Variants in FUBP3 observed in about 807,000 individuals in gnomAD.
FUBP3 encodes the protein far upstream element binding protein 3.
In FUBP3, 28 loss-of-function variants were observed where a neutral mutation model predicts 85.6. The observed-to-expected ratio is 0.33, with a 90% CI of 0.24 to 0.45. FUBP3 has a LOEUF of 0.45. FUBP3 is among the 20% of genes least tolerant of loss of function. The probability of loss-of-function intolerance (pLI) is 1.00; values close to 1 mark genes in which losing one functional copy is unlikely to be tolerated. For synonymous variants in FUBP3, 271 were observed against 271.4 expected (o/e 1.00, Z 0.01); for missense variants, 583 against 755.1 (o/e 0.77, Z 2.67).
intron 18 of FUBP3, 47 bp downstream of exon 18, chr9:130,636,173 C>A (rs771680314): frequency 1.3e-5 from 20 of 1,592,114 alleles, no homozygotes; most frequent in Non-Finnish European, 1.6e-5. Context: ...AGCCCCGAGC[C>A]CCTGCTCCCA....
chr9:130,598,980 T>C (rs950952240), intron 2 of FUBP3, among the ~76,000 whole-genome samples: 12 of 151,258 alleles, frequency 7.9e-5, no homozygotes, highest in Non-Finnish European at 1.2e-4. Context: ...CTGGGCAACA[T>C]AGCAAAACCG....
Position 130,622,773 on chromosome 9 carries a change from C to T in FUBP3, c.837C>T (p.Ile279=). 1 of 1,595,976 alleles carries T rather than the reference C, an allele frequency of 6.3e-7. No homozygotes were observed. The highest frequency in any genetic ancestry group is 8.6e-7 in the Non-Finnish European group (1 of 1,166,230). The change falls in exon 10 of 19, where the codon ATC becomes ATT. Residue 279 remains isoleucine, a synonymous_variant. Transcript: ENST00000319725. ...IGRNGEMIKK[I]QNDAGVRIQF... is the part of the protein sequence containing the mutation. ...GAAACGGGGAAATGATCAAAAAGAT[C>T]CAGAATGATGCTGGTGTGAGGATTC...
chr9:130,636,107 A>G lies in FUBP3; in HGVS notation c.1691A>G (p.Gln564Arg), dbSNP rs760019163. The G allele has an allele frequency of 1.9e-6, 3 of 1,613,456 alleles. No homozygotes were observed. Among genetic ancestry groups the G allele is most frequent in the Non-Finnish European group, 2.5e-6 (3 of 1,179,856 alleles). Residue 564 changes from glutamine to arginine, a missense_variant, in exon 18 of 19, where the codon CAG becomes CGG. Gln to Arg is a conservative substitution (Grantham distance 43). Around this residue, in one of 3 missense-constraint regions of FUBP3, gnomAD observed 404 missense variants for 516.8 expected, o/e 0.78. Transcript: ENST00000319725. ...GCTTTCTACGGACAGACGTTAGGGC[A>G]GGCGCAGGCCCACAGCCAGGTCTGT... ...QVAFYGQTLG[Q>R]AQAHSQEQ
chr9:130,622,753 G>A lies in FUBP3; in HGVS notation c.817G>A (p.Gly273Arg), dbSNP rs1317228167. Residue 273 changes from glycine (G) to arginine (R), a missense_variant, in exon 10 of 19, where the codon GGG becomes AGG. By Grantham distance (125) the Gly-to-Arg change is moderately radical. This residue lies in a region of FUBP3 where 404 missense variants were observed against 516.8 expected (regional missense o/e 0.78). Transcript: ENST00000319725. ...TGTGGGGATTGTAATAGGAAGAAAC[G>A]GGGAAATGATCAAAAAGATCCAGAA... is the stretch of plus-strand genomic sequence containing the variant. ...FAVGIVIGRN[G>R]EMIKKIQNDA... The A allele has an allele frequency of 1.2e-6, 2 of 1,602,596 alleles. No individual in the cohort carries two copies. Among genetic ancestry groups the A allele is most frequent in the Non-Finnish European group, 1.7e-6 (2 of 1,171,734 alleles).
chr9:130,620,774 G>A (rs1400483628), intron 9 of FUBP3, among the ~76,000 whole-genome samples: 1 of 152,206 alleles, frequency 6.6e-6, no homozygotes, highest in Non-Finnish European at 1.5e-5. Context: ...GTCAAACTCA[G>A]CAGCCTGTGT....
intron 11 of FUBP3, among the ~76,000 whole-genome samples, chr9:130,625,693 TGAACAGTGGGA>T (rs1325453973): frequency 6.6e-6 from 1 of 152,214 alleles, no homozygotes; most frequent in African/African-American, 2.4e-5. Context: ...CTCTGCTGGG[TGAACAGTGGGA>T]GAATGCCTCA....
At chr9:130,583,905 T>C (rs891553626) in intron 1 of FUBP3, among the ~76,000 whole-genome samples, 1 of 152,112 alleles carries the variant, frequency 6.6e-6, no homozygotes, top group African/African-American at 2.4e-5. Flanking sequence ...TCATATAATA[T>C]AATTATTTTG....
chr9:130,628,529 C>T (rs1001088422), intron 12 of FUBP3, among the ~76,000 whole-genome samples: 8 of 152,170 alleles, frequency 5.3e-5, no homozygotes, highest in South Asian at 2.1e-4. Flanking sequence ...TCTGGCCCCA[C>T]GAGGTTTTGT....
At chr9:130,594,869 C>CTTTTTTTTTTTTTTTTT (rs10710760) in intron 1 of FUBP3, among the ~76,000 whole-genome samples, 1 of 129,320 alleles carries the variant, frequency 7.7e-6, no homozygotes, top group Non-Finnish European at 1.6e-5. Context: ...TGTTGGCTTG[C>CTTTTTTTTTTTTTTTTT]TTTTTTTTTT....
intron 5 of FUBP3, 128 bp from the exon 6 acceptor site, chr9:130,614,160 G>C (rs746148518): frequency 5.2e-6 from 3 of 577,046 alleles, no homozygotes; most frequent in Non-Finnish European, 9.6e-6. Flanking sequence ...GAAGCAAACT[G>C]TCTTTTTCTG....
intron 2 of FUBP3, among the ~76,000 whole-genome samples, chr9:130,600,518 G>C (rs62581328): frequency 6.6e-6 from 1 of 151,984 alleles, no homozygotes; most frequent in Non-Finnish European, 1.5e-5. Context: ...TTTTTTTAAA[G>C]ACAGGGTCTC....
At chr9:130,589,699 ATATATATTTTTTT>A (rs1343352355) in intron 1 of FUBP3, among the ~76,000 whole-genome samples, 3 of 28,608 alleles carry the variant, frequency 1.0e-4, no homozygotes, top group African/African-American at 2.0e-4. Flanking sequence ...ATATATATAT[ATATATATTTTTTT>A]TTTTTTTTTT....
intron 2 of FUBP3, among the ~76,000 whole-genome samples, chr9:130,599,815 T>C (rs1831062994): frequency 6.6e-6 from 1 of 152,128 alleles, no homozygotes; most frequent in Non-Finnish European, 1.5e-5. Context: ...CTGCAGTCAG[T>C]CCAACCAGTT....
Position 130,629,049 on chromosome 9 carries a change from G to A in FUBP3, c.1118-1579G>A, listed in dbSNP as rs930089621. Among the ~76,000 whole-genome samples, 5 of 152,206 alleles carry A rather than the reference G, an allele frequency of 3.3e-5. 1 individual carries two copies. Among genetic ancestry groups the A allele is most frequent in the Admixed American group, 1.3e-4 (2 of 15,280 alleles). On this transcript the variant is annotated intron_variant, in intron 12 of 18. Coordinates refer to ENST00000319725, the MANE Select transcript of FUBP3 (RefSeq NM_003934.2). ...CTCCCAAAGTGCTGGGATTACAGGC[G>A]TGAGCCACCGCGCCTGGCCAAGTCT...
At chr9:130,633,974 G>A (rs911362705) in intron 16 of FUBP3, among the ~76,000 whole-genome samples, 15 of 152,254 alleles carry the variant, frequency 9.9e-5, no homozygotes, top group South Asian at 4.1e-4. Context: ...AGCCAGCCCC[G>A]GCCTGGGCAG....
At chr9:130,586,141 C>T (rs73656447) in intron 1 of FUBP3, among the ~76,000 whole-genome samples, 11,267 of 152,056 alleles carry the variant, frequency 0.074, 831 homozygotes, top group East Asian at 0.19. Context: ...TGGCATGCAC[C>T]GCCACTCCCA....
chr9:130,593,582 G>C (rs1830727802), intron 1 of FUBP3, among the ~76,000 whole-genome samples: 1 of 152,246 alleles, frequency 6.6e-6, no homozygotes, highest in Non-Finnish European at 1.5e-5. Context: ...GATGTCTGCT[G>C]TTTAAATCCT....
chr9:130,618,237 G>T lies in FUBP3; in HGVS notation c.666+342G>T, dbSNP rs189650858. Among the ~76,000 whole-genome samples, 9 of 152,176 alleles carry T rather than the reference G, an allele frequency of 5.9e-5. No homozygotes were observed. The East Asian group carries it at 1.7e-3, about 29-fold the overall frequency. On this transcript the variant is annotated intron_variant, in intron 8 of 18. Transcript: ENST00000319725. Reference sequence around the variant, plus strand: ...ATTTCCGAGCTCTTGCTGGTGGCACGGCTCAGGACAGTTGGTTTTTTGTTT... The same window carrying T: ...ATTTCCGAGCTCTTGCTGGTGGCACTGCTCAGGACAGTTGGTTTTTTGTTT...
intron 2 of FUBP3, 30 bp from the exon 3 acceptor site, chr9:130,609,924 A>ATTT: frequency 1.3e-6 from 2 of 1,508,700 alleles, no homozygotes; most frequent in Non-Finnish European, 9.1e-7. Flanking sequence ...TAATGCTTTG[A>ATTT]TTTTTTTTTT....
Sources: allele counts gnomAD v4.1 joint callset (sites outside exome capture counted in the v4.1 genomes callset), GRCh38; gene constraint gnomAD v4.1.1; regional missense constraint gnomAD v4.1.1; transcripts MANE v1.5; gene names NCBI Gene and HGNC (gene_info 2026-07-23, HGNC 2026-07-21).